ASPRV1: variants seen among roughly 807,000 people sequenced by gnomAD.
The protein encoded by ASPRV1 is retroviral-like aspartic protease 1.
ASPRV1 carries 7 observed loss-of-function variants against 11.0 expected under a neutral mutation model. The observed-to-expected ratio is 0.64, with a 90% CI of 0.36 to 1.20. ASPRV1 has a LOEUF of 1.20. Among genes scored for constraint, ASPRV1 ranks in the 50% most tolerant of loss-of-function variants. The pLI is 0.02. For synonymous variants in ASPRV1, 136 were observed against 138.4 expected (o/e 0.98, Z 0.12); for missense variants, 299 against 320.0 (o/e 0.93, Z 0.50).
chr2:70,060,324 G>C, the ASPRV1 span, among the ~76,000 whole-genome samples: 1 of 135,192 alleles, frequency 7.4e-6, no homozygotes, highest in Non-Finnish European at 1.5e-5. Flanking sequence ...CTGGGCAACA[G>C]AGTGAGACTC....
chr2:70,084,735 C>A, the ASPRV1 span, among the ~76,000 whole-genome samples: 1 of 152,034 alleles, frequency 6.6e-6, no homozygotes, highest in African/African-American at 2.4e-5. Flanking sequence ...TGTCTTAAAT[C>A]ATAATGTAAA....
the ASPRV1 span, chr2:69,939,645 G>A: frequency 6.6e-6 from 1 of 152,548 alleles, no homozygotes; most frequent in Non-Finnish European, 1.5e-5. Flanking sequence ...GAATATTTTT[G>A]CATTCATATT....
chr2:70,011,274 T>TA, the ASPRV1 span, among the ~76,000 whole-genome samples: 56 of 145,868 alleles, frequency 3.8e-4, no homozygotes, highest in Admixed American at 8.9e-4. Context: ...AATTAAAAGT[T>TA]AAAAAAAAAA....
At chr2:69,949,162 G>T in the ASPRV1 span, among the ~76,000 whole-genome samples, 1 of 152,060 alleles carries the variant, frequency 6.6e-6, no homozygotes. Flanking sequence ...GACCTCTGCC[G>T]GAGCAGACCC....
At chr2:70,084,947 G>GTT in the ASPRV1 span, among the ~76,000 whole-genome samples, 2 of 152,058 alleles carry the variant, frequency 1.3e-5, no homozygotes, top group Non-Finnish European at 2.9e-5. Context: ...TAAGTTAAAG[G>GTT]CAAAAAGCCC....
the ASPRV1 span, among the ~76,000 whole-genome samples, chr2:70,011,295 G>A: frequency 6.6e-6 from 1 of 152,030 alleles, no homozygotes; most frequent in African/African-American, 2.4e-5. Flanking sequence ...AGTGTGAGAA[G>A]ATAACTCTTG....
At chr2:69,963,897 T>C (rs1374381135), upstream of ASPRV1, among the ~76,000 whole-genome samples, 1 of 152,094 alleles carries the variant, frequency 6.6e-6, no homozygotes, top group Admixed American at 6.6e-5. Flanking sequence ...AGGTATAGCA[T>C]AGGCGCCGGG....
chr2:70,044,979 T>A, the ASPRV1 span, among the ~76,000 whole-genome samples: 1 of 152,250 alleles, frequency 6.6e-6, no homozygotes, highest in Non-Finnish European at 1.5e-5. Context: ...TGGCCTATGC[T>A]GTGATGAAGA....
the ASPRV1 span, among the ~76,000 whole-genome samples, chr2:70,011,115 G>T: frequency 6.6e-6 from 1 of 152,044 alleles, no homozygotes; most frequent in African/African-American, 2.4e-5. Context: ...GAGGGTGGAG[G>T]GTGGGGGGTG....
the ASPRV1 span, among the ~76,000 whole-genome samples, chr2:70,080,631 A>C: frequency 6.6e-6 from 1 of 152,196 alleles, no homozygotes; most frequent in Non-Finnish European, 1.5e-5. Context: ...AGGAAGTATA[A>C]TTTCTGATGT....
At chr2:69,973,589 C>T in the ASPRV1 span, among the ~76,000 whole-genome samples, 1 of 152,202 alleles carries the variant, frequency 6.6e-6, no homozygotes, top group African/African-American at 2.4e-5. Context: ...CTCGAGCAAT[C>T]CTCCCGCCTG....
At chr2:69,943,149 C>T in the ASPRV1 span, among the ~76,000 whole-genome samples, 3 of 152,176 alleles carry the variant, frequency 2.0e-5, no homozygotes, top group Admixed American at 1.3e-4. Flanking sequence ...GCCACAGTCC[C>T]ACCCTCTCCA....
chr2:70,080,389 G>A, the ASPRV1 span, among the ~76,000 whole-genome samples: 1 of 152,102 alleles, frequency 6.6e-6, no homozygotes, highest in African/African-American at 2.4e-5. Flanking sequence ...ACCACACTCA[G>A]CTAATTTTTG....
the ASPRV1 span, chr2:69,941,727 C>G: frequency 1.3e-5 from 2 of 151,674 alleles, no homozygotes; most frequent in African/African-American, 2.4e-5. Flanking sequence ...AAAGTGTAAA[C>G]TAGGTAGGAT....
the ASPRV1 span, among the ~76,000 whole-genome samples, chr2:69,950,254 C>T: frequency 1.3e-5 from 2 of 152,222 alleles, no homozygotes; most frequent in Middle Eastern, 3.2e-3. Context: ...TCCTTCCCAA[C>T]ACAGCACCCT....
chr2:69,961,097 G>T lies in ASPRV1; in HGVS notation c.340C>A (p.Leu114Ile), dbSNP rs778491957. 2 of 1,613,940 alleles carry T rather than the reference G, an allele frequency of 1.2e-6. No homozygotes were observed. Among genetic ancestry groups the T allele is most frequent in the Non-Finnish European group, 1.7e-6 (2 of 1,179,930 alleles). The stretch of plus-strand genomic sequence containing the variant: ...GGCACTTTGCCAATCTTCCCCTTGA[G>T]ATAGTAGCCCTTACCCATGCTGTTG... Reference protein sequence around the residue: ...FANSMGKGYYLKGKIGKVPVR... With the variant: ...FANSMGKGYYIKGKIGKVPVR... Residue 114 changes from leucine to isoleucine, a missense_variant, in exon 1 of 1, where the codon CTC (leucine) becomes ATC (isoleucine). Leu to Ile is a conservative substitution (Grantham distance 5). Transcript: ENST00000320256.
At chr2:69,943,888 T>C in the ASPRV1 span, among the ~76,000 whole-genome samples, 1 of 152,248 alleles carries the variant, frequency 6.6e-6, no homozygotes, top group African/African-American at 2.4e-5. Flanking sequence ...TTTCTCCTTG[T>C]TGACCAATGA....
upstream of ASPRV1, chr2:69,964,405 C>T (rs1374897102): frequency 2.3e-6 from 1 of 442,746 alleles, no homozygotes. Context: ...AGCCTCTGGC[C>T]GAGTCTGGGA....
the ASPRV1 span, among the ~76,000 whole-genome samples, chr2:70,044,808 C>T: frequency 6.6e-6 from 1 of 152,192 alleles, no homozygotes; most frequent in Non-Finnish European, 1.5e-5. Context: ...AGTCACACAA[C>T]AGGTGCCACC....
Sources: gnomAD v4.1 joint callset for allele counts (sites outside exome capture counted in the v4.1 genomes callset) on GRCh38, gnomAD v4.1.1 for gene constraint, MANE v1.5 for transcripts, NCBI Gene and HGNC (gene_info 2026-07-23, HGNC 2026-07-21) for gene names.